The following RPS6KC1 variants were observed in gnomAD, a reference collection of about 807,000 sequenced individuals.
The protein encoded by RPS6KC1 is inactive ribosomal protein S6 kinase delta-1.
A neutral mutation model predicts 103.8 loss-of-function variants in RPS6KC1; 54 were observed. The ratio of observed to expected loss-of-function variants is 0.52; its 90% CI spans 0.42 to 0.65. RPS6KC1 has a LOEUF of 0.65. Among genes scored for constraint, RPS6KC1 ranks in the 30% least tolerant of loss-of-function variants. RPS6KC1 has a pLI of 0.00. For missense variants in RPS6KC1, 1,151 were observed against 1,253.8 expected, an observed-to-expected ratio of 0.92 and a Z score of 1.24; for synonymous variants, 439 against 438.7, an observed-to-expected ratio of 1.00 and a Z score of -0.01.
the RPS6KC1 span, among the ~76,000 whole-genome samples, chr1:213,660,876 T>C: frequency 2.0e-5 from 3 of 152,206 alleles, no homozygotes; most frequent in African/African-American, 2.4e-5. Context: ...TTGATTATGA[T>C]TGTGTCATGC....
At chr1:213,497,160 A>G in the RPS6KC1 span, among the ~76,000 whole-genome samples, 1 of 152,218 alleles carries the variant, frequency 6.6e-6, no homozygotes, top group African/African-American at 2.4e-5. Flanking sequence ...TCAAACCATA[A>G]ACATATAGAG....
At chr1:213,665,676 T>C in the RPS6KC1 span, among the ~76,000 whole-genome samples, 10 of 152,204 alleles carry the variant, frequency 6.6e-5, no homozygotes, top group Non-Finnish European at 1.2e-4. Context: ...AAATGTTTTC[T>C]TCTAGGTTTG....
rs1372667918 is a variant in RPS6KC1, at chr1:213,247,425, TC to T, written c.2911+4771del. On this transcript the variant is annotated intron_variant, in intron 12 of 14. Transcript: ENST00000366960. Reference sequence around the variant, plus strand: ...CATGAATATATTTTGGGGAATAGTTTCCCCTGCCCTTCTCCATAAACATGCT... The same window carrying T: ...CATGAATATATTTTGGGGAATAGTTTCCCTGCCCTTCTCCATAAACATGCT... Among the ~76,000 whole-genome samples the T allele has an allele frequency of 2.0e-5, 3 of 152,232 alleles. No homozygotes were observed. In the East Asian group the frequency reaches 5.8e-4, roughly 29 times the overall value.
At chr1:213,737,629 A>T in the RPS6KC1 span, among the ~76,000 whole-genome samples, 1 of 152,158 alleles carries the variant, frequency 6.6e-6, no homozygotes, top group Non-Finnish European at 1.5e-5. Context: ...AGGTTATGCA[A>T]CTGGTGAAAA....
the RPS6KC1 span, among the ~76,000 whole-genome samples, chr1:213,446,649 T>A: frequency 6.6e-6 from 1 of 152,184 alleles, no homozygotes; most frequent in African/African-American, 2.4e-5. Flanking sequence ...GATTTTCCTA[T>A]AGCCTCGCCA....
chr1:213,344,968 A>G, the RPS6KC1 span, among the ~76,000 whole-genome samples: 1 of 152,216 alleles, frequency 6.6e-6, no homozygotes, highest in African/African-American at 2.4e-5. Context: ...TATTTGTTGA[A>G]TAAATGAATA....
At chr1:213,580,904 A>G in the RPS6KC1 span, among the ~76,000 whole-genome samples, 2 of 152,054 alleles carry the variant, frequency 1.3e-5, no homozygotes, top group East Asian at 1.9e-4. Context: ...AAAAAAATTC[A>G]TGTGATTTTC....
At chr1:213,151,683 C>T (rs566367700) in intron 6 of RPS6KC1, among the ~76,000 whole-genome samples, 1 of 63,480 alleles carries the variant, frequency 1.6e-5, no homozygotes, top group Admixed American at 1.2e-4. Context: ...GCCGGGCAGA[C>T]GCGCCCCTCA....
At chr1:213,759,280 A>G in the RPS6KC1 span, among the ~76,000 whole-genome samples, 1 of 152,326 alleles carries the variant, frequency 6.6e-6, no homozygotes, top group African/African-American at 2.4e-5. Flanking sequence ...TTCCTTAGCC[A>G]TAATGCTATT....
At chr1:213,106,302 A>G (rs1216343180) in intron 4 of RPS6KC1, among the ~76,000 whole-genome samples, 2 of 152,242 alleles carry the variant, frequency 1.3e-5, no homozygotes, top group Admixed American at 1.3e-4. Context: ...TTTATTTTTC[A>G]TATGACAAGA....
intron 8 of RPS6KC1, among the ~76,000 whole-genome samples, chr1:213,180,207 T>A (rs1195657581): frequency 6.6e-6 from 1 of 152,154 alleles, no homozygotes; most frequent in Non-Finnish European, 1.5e-5. Flanking sequence ...CTGTCTTGAA[T>A]AGGGGAACTG....
chr1:213,820,657 A>G, the RPS6KC1 span: 3 of 152,258 alleles, frequency 2.0e-5, no homozygotes, highest in East Asian at 5.8e-4. Flanking sequence ...AAGGCCCAGA[A>G]ATACTCTTGG....
the RPS6KC1 span, among the ~76,000 whole-genome samples, chr1:213,549,909 C>T: frequency 5.3e-5 from 8 of 152,180 alleles, no homozygotes; most frequent in Admixed American, 1.3e-4. Context: ...GCAAGCACCA[C>T]ACCCAGGTTT....
At chr1:213,325,883 C>T in the RPS6KC1 span, among the ~76,000 whole-genome samples, 2 of 152,136 alleles carry the variant, frequency 1.3e-5, no homozygotes, top group Non-Finnish European at 2.9e-5. Flanking sequence ...ATCTTCAACC[C>T]CCTTCTGCTG....
the RPS6KC1 span, among the ~76,000 whole-genome samples, chr1:213,330,044 G>T: frequency 6.6e-6 from 1 of 152,214 alleles, no homozygotes; most frequent in Non-Finnish European, 1.5e-5. Flanking sequence ...TCCCGCAGGG[G>T]CACCGGAGAG....
At chr1:213,698,467 G>A in the RPS6KC1 span, among the ~76,000 whole-genome samples, 2 of 152,116 alleles carry the variant, frequency 1.3e-5, no homozygotes, top group African/African-American at 4.8e-5. Flanking sequence ...TATCCTCTGG[G>A]ATTGAATGTT....
the RPS6KC1 span, among the ~76,000 whole-genome samples, chr1:213,804,666 C>A: frequency 6.6e-6 from 1 of 152,168 alleles, no homozygotes; most frequent in South Asian, 2.1e-4. Context: ...TGTCTATCTC[C>A]CCCAGTAGAA....
At chr1:213,121,063 G>T (rs1218063795) in intron 5 of RPS6KC1, among the ~76,000 whole-genome samples, 1 of 152,134 alleles carries the variant, frequency 6.6e-6, no homozygotes, top group African/African-American at 2.4e-5. Flanking sequence ...GAGTAGCTGG[G>T]ACTACAGGCA....
chr1:213,307,437 T>C, the RPS6KC1 span, among the ~76,000 whole-genome samples: 1 of 152,188 alleles, frequency 6.6e-6, no homozygotes, highest in Non-Finnish European at 1.5e-5. Flanking sequence ...CATGTGAAAC[T>C]GAAGGCGTAA....
Sources: gnomAD v4.1 joint callset for allele counts (sites outside exome capture counted in the v4.1 genomes callset) on GRCh38, gnomAD v4.1.1 for gene constraint, MANE v1.5 for transcripts, NCBI Gene and HGNC (gene_info 2026-07-23, HGNC 2026-07-21) for gene names.